PCSK2: variants seen among roughly 807,000 people sequenced by gnomAD.
The protein encoded by PCSK2 is neuroendocrine convertase 2.
A neutral mutation model predicts 69.7 loss-of-function variants in PCSK2; 14 were observed. That is an observed-to-expected ratio of 0.20 (90% CI 0.13 to 0.31). PCSK2 has a LOEUF of 0.31. Ranked by LOEUF, PCSK2 falls within the 10% of genes least tolerant of loss-of-function variation. PCSK2 has a pLI of 1.00. For synonymous variants in PCSK2, 307 were observed against 320.7 expected, an observed-to-expected ratio of 0.96 and a Z score of 0.46; for missense variants, 544 against 842.5, an observed-to-expected ratio of 0.65 and a Z score of 4.39.
intron 2 of PCSK2, among the ~76,000 whole-genome samples, chr20:17,333,909 G>GCATATA (rs1990270290): frequency 2.4e-5 from 1 of 42,020 alleles, no homozygotes; most frequent in Non-Finnish European, 4.8e-5. Context: ...CTAAGTCACT[G>GCATATA]CATATATATA....
At chr20:17,379,743 A>G (rs1042232148) in intron 5 of PCSK2, among the ~76,000 whole-genome samples, 2 of 152,222 alleles carry the variant, frequency 1.3e-5, no homozygotes, top group Non-Finnish European at 2.9e-5. Context: ...ATTGCATTAT[A>G]TGGCAGAGTT....
intron 1 of PCSK2, chr20:17,228,428 A>T (rs991747171): frequency 2.0e-5 from 3 of 153,078 alleles, no homozygotes; most frequent in African/African-American, 7.2e-5. Context: ...CCTGCAAAAG[A>T]TGTATCAGGG....
chr20:17,404,692 C>T (rs1296519277), intron 5 of PCSK2, among the ~76,000 whole-genome samples: 1 of 152,178 alleles, frequency 6.6e-6, no homozygotes, highest in African/African-American at 2.4e-5. Flanking sequence ...ACGTATGTCT[C>T]AGAGCAGAGA....
chr20:17,359,414 C>T (rs1175796007), intron 3 of PCSK2, among the ~76,000 whole-genome samples: 1 of 152,214 alleles, frequency 6.6e-6, no homozygotes, highest in South Asian at 2.1e-4. Context: ...GCTTGTTTCT[C>T]ACTTTTGCTA....
chr20:17,263,074 A>G (rs912667377), intron 2 of PCSK2: 1 of 890,194 alleles, frequency 1.1e-6, no homozygotes, highest in Admixed American at 6.2e-5. Flanking sequence ...GGCTTCATCT[A>G]CTGAGGTAGC....
intron 8 of PCSK2, among the ~76,000 whole-genome samples, chr20:17,440,970 C>A (rs2032583463): frequency 6.6e-6 from 1 of 152,050 alleles, no homozygotes; most frequent in Non-Finnish European, 1.5e-5. Flanking sequence ...AAGGTGGCTG[C>A]AGGATGCCAG....
intron 2 of PCSK2, among the ~76,000 whole-genome samples, chr20:17,271,568 G>A (rs6080616): frequency 0.32 from 48,845 of 151,758 alleles, 9,263 homozygotes; most frequent in Middle Eastern, 0.46. Flanking sequence ...GAGAATAAAC[G>A]GCAAAATGAT....
intron 2 of PCSK2, among the ~76,000 whole-genome samples, chr20:17,283,223 T>C (rs1988384635): frequency 6.6e-6 from 1 of 152,120 alleles, no homozygotes; most frequent in South Asian, 2.1e-4. Flanking sequence ...TAGATAGAGA[T>C]ATAAATAAGT....
At chr20:17,391,536 C>T (rs763825609) in intron 5 of PCSK2, among the ~76,000 whole-genome samples, 1 of 152,098 alleles carries the variant, frequency 6.6e-6, no homozygotes, top group Non-Finnish European at 1.5e-5. Flanking sequence ...TGGAAGGGAG[C>T]CTCTTCTGCC....
chr20:17,332,548 A>C (rs1451929016), intron 2 of PCSK2, among the ~76,000 whole-genome samples: 2 of 152,214 alleles, frequency 1.3e-5, no homozygotes, highest in Non-Finnish European at 2.9e-5. Flanking sequence ...AACAGTTCTC[A>C]AATTGTGTCC....
chr20:17,304,453 T>C (rs970028237), intron 2 of PCSK2, among the ~76,000 whole-genome samples: 13 of 152,204 alleles, frequency 8.5e-5, no homozygotes, highest in African/African-American at 2.9e-4. Context: ...TTCTTATCTT[T>C]TTAAGAGCCA....
chr20:17,424,642 G>A (rs1033735298), intron 6 of PCSK2, among the ~76,000 whole-genome samples: 10 of 152,006 alleles, frequency 6.6e-5, no homozygotes, highest in Admixed American at 1.3e-4. Flanking sequence ...ACAGGCACGC[G>A]CCACCACGCC....
intron 2 of PCSK2, among the ~76,000 whole-genome samples, chr20:17,304,473 T>A (rs754710364): frequency 2.6e-5 from 4 of 152,210 alleles, no homozygotes; most frequent in Non-Finnish European, 5.9e-5. Flanking sequence ...AATTACTGGT[T>A]AATAGATAGA....
chr20:17,352,802 G>A (rs2030038277), intron 2 of PCSK2, among the ~76,000 whole-genome samples: 1 of 152,202 alleles, frequency 6.6e-6, no homozygotes, highest in Non-Finnish European at 1.5e-5. Flanking sequence ...AAGATTTCAT[G>A]ATGAAGACTC....
chr20:17,362,209 A>G (rs890187640), intron 4 of PCSK2, among the ~76,000 whole-genome samples: 14 of 152,224 alleles, frequency 9.2e-5, no homozygotes, highest in African/African-American at 3.4e-4. Flanking sequence ...CAAGCCCTTT[A>G]GAAAGTCTCA....
chr20:17,450,957 C>T (rs1307471825), intron 8 of PCSK2, among the ~76,000 whole-genome samples: 1 of 152,124 alleles, frequency 6.6e-6, no homozygotes. Context: ...AGCTCTCAGT[C>T]CTCTTATGGA....
intron 1 of PCSK2, among the ~76,000 whole-genome samples, chr20:17,241,532 G>A (rs1040841587): frequency 1.6e-4 from 24 of 152,186 alleles, no homozygotes; most frequent in Admixed American, 3.3e-4. Flanking sequence ...TCTTTGTCCT[G>A]TGGAATCACT....
chr20:17,444,226 A>G (rs550323470), intron 8 of PCSK2, among the ~76,000 whole-genome samples: 2 of 152,270 alleles, frequency 1.3e-5, no homozygotes, highest in South Asian at 2.1e-4. Context: ...CATCCTGTAC[A>G]TATGTTTTGT....
intron 2 of PCSK2, among the ~76,000 whole-genome samples, chr20:17,358,065 G>T (rs773445093): frequency 6.6e-6 from 1 of 152,038 alleles, no homozygotes; most frequent in Non-Finnish European, 1.5e-5. Flanking sequence ...CAGCTCTTTT[G>T]GAGGCTGAGG....
Sources: gnomAD v4.1 joint callset for allele counts (sites outside exome capture counted in the v4.1 genomes callset) on GRCh38, gnomAD v4.1.1 for gene constraint, MANE v1.5 for transcripts, NCBI Gene and HGNC (gene_info 2026-07-23, HGNC 2026-07-21) for gene names.